Variants in PRR16 observed in about 807,000 individuals in gnomAD.
PRR16 encodes protein Largen.
A neutral mutation model predicts 18.2 loss-of-function variants in PRR16; 6 were observed. The observed-to-expected ratio is 0.33, with a 90% confidence interval of 0.18 to 0.65. PRR16 has a LOEUF of 0.65. Ranked by LOEUF, PRR16 falls within the 30% of genes least tolerant of loss-of-function variation. The probability of loss-of-function intolerance (pLI) is 0.74; values close to 1 mark genes in which losing one functional copy is unlikely to be tolerated. For missense variants in PRR16, 412 were observed against 376.6 expected, an observed-to-expected ratio of 1.09 and a Z score of -0.78; for synonymous variants, 151 against 147.8, an observed-to-expected ratio of 1.02 and a Z score of -0.16.
chr5:120,705,804 T>C, the PRR16 span, among the ~76,000 whole-genome samples: 4 of 152,146 alleles, frequency 2.6e-5, no homozygotes, highest in Admixed American at 6.6e-5. Flanking sequence ...GAAATCAATA[T>C]TGTCAGTTAA....
At chr5:120,763,416 G>A in the PRR16 span, among the ~76,000 whole-genome samples, 2 of 152,046 alleles carry the variant, frequency 1.3e-5, no homozygotes, top group African/African-American at 4.8e-5. Flanking sequence ...TTATAGGTGT[G>A]AGCCACCACG....
intron 1 of PRR16, among the ~76,000 whole-genome samples, chr5:120,516,031 C>T (rs1390800854): frequency 6.6e-6 from 1 of 152,046 alleles, no homozygotes; most frequent in Non-Finnish European, 1.5e-5. Context: ...CCTGAAAGTT[C>T]CCTCTTTTTA....
At chr5:120,694,215 G>A in the PRR16 span, among the ~76,000 whole-genome samples, 1 of 152,118 alleles carries the variant, frequency 6.6e-6, no homozygotes, top group African/African-American at 2.4e-5. Context: ...TGCCTTAGTT[G>A]ATGCTAATGA....
the PRR16 span, among the ~76,000 whole-genome samples, chr5:120,714,431 A>T: frequency 6.6e-6 from 1 of 152,204 alleles, no homozygotes; most frequent in Non-Finnish European, 1.5e-5. Flanking sequence ...AATCAAAACC[A>T]CAATGAGATA....
At chr5:120,622,245 A>T (rs1263186515) in intron 1 of PRR16, among the ~76,000 whole-genome samples, 1 of 152,088 alleles carries the variant, frequency 6.6e-6, no homozygotes, top group African/African-American at 2.4e-5. Flanking sequence ...ATATCTAGAA[A>T]AGTAATGGCA....
chr5:120,491,357 A>G (rs1001265194), intron 1 of PRR16, among the ~76,000 whole-genome samples: 5 of 152,076 alleles, frequency 3.3e-5, no homozygotes, highest in African/African-American at 1.2e-4. Flanking sequence ...AATATTTCTT[A>G]ATCATTTTCC....
chr5:120,545,989 A>AC (rs1388576739), intron 1 of PRR16, among the ~76,000 whole-genome samples: 1 of 152,114 alleles, frequency 6.6e-6, no homozygotes, highest in Non-Finnish European at 1.5e-5. Flanking sequence ...ATTAAGGTCG[A>AC]CATGGACCAG....
At chr5:120,674,685 A>G (rs1417025189) in intron 1 of PRR16, among the ~76,000 whole-genome samples, 1 of 151,892 alleles carries the variant, frequency 6.6e-6, no homozygotes, top group African/African-American at 2.4e-5. Flanking sequence ...TGAAATTTTT[A>G]TTCTTCCATT....
rs1055460649 is a variant in PRR16 at position 120,606,802 on chromosome 5, C to G, written c.160-79152C>G. ...TATGCCTGTGGTGCCAGCTACTCAG[C>G]AGGCTGAGGTGGTAGGATCACTTGG... On this transcript the variant is annotated intron_variant, in intron 1 of 1. Coordinates refer to ENST00000407149, the MANE Select transcript of PRR16 (RefSeq NM_001300783.2). Among the ~76,000 whole-genome samples the G allele has an allele frequency of 2.0e-5, 3 of 152,130 alleles. No homozygotes were observed. In the South Asian group the frequency reaches 6.2e-4, roughly 32 times the overall value.
chr5:120,664,232 G>A (rs1261036936), intron 1 of PRR16, among the ~76,000 whole-genome samples: 1 of 152,016 alleles, frequency 6.6e-6, no homozygotes, highest in African/African-American at 2.4e-5. Context: ...CTGGGAGGTG[G>A]AGGTTGCTAT....
the PRR16 span, among the ~76,000 whole-genome samples, chr5:120,761,692 T>C: frequency 2.6e-5 from 4 of 152,134 alleles, no homozygotes; most frequent in Non-Finnish European, 4.4e-5. Flanking sequence ...ATTAAAGATA[T>C]ACATTATCAT....
At chr5:120,723,613 G>A in the PRR16 span, among the ~76,000 whole-genome samples, 1 of 151,956 alleles carries the variant, frequency 6.6e-6, no homozygotes, top group South Asian at 2.1e-4. Flanking sequence ...GTGCCAGACA[G>A]AAATAAGACT....
intron 1 of PRR16, among the ~76,000 whole-genome samples, chr5:120,607,872 T>C (rs1395887351): frequency 6.6e-6 from 1 of 151,776 alleles, no homozygotes; most frequent in Non-Finnish European, 1.5e-5. Flanking sequence ...CTCACCCTTC[T>C]TTTTTTTAAT....
At chr5:120,635,397 C>T (rs578038123) in intron 1 of PRR16, among the ~76,000 whole-genome samples, 7 of 152,024 alleles carry the variant, frequency 4.6e-5, no homozygotes, top group Non-Finnish European at 1.0e-4. Flanking sequence ...AATCCAACAG[C>T]GTATCAAAAA....
At chr5:120,620,540 T>G (rs1211786640) in intron 1 of PRR16, among the ~76,000 whole-genome samples, 1 of 152,198 alleles carries the variant, frequency 6.6e-6, no homozygotes, top group African/African-American at 2.4e-5. Flanking sequence ...ATAGCAATGA[T>G]GTATGTGAAA....
intron 1 of PRR16, among the ~76,000 whole-genome samples, chr5:120,529,365 C>T (rs1751471436): frequency 6.6e-6 from 1 of 151,994 alleles, no homozygotes; most frequent in Non-Finnish European, 1.5e-5. Context: ...TGATAGTGTT[C>T]AACAATGGCT....
intron 1 of PRR16, among the ~76,000 whole-genome samples, chr5:120,588,398 A>G (rs1185707308): frequency 6.6e-6 from 1 of 152,180 alleles, no homozygotes; most frequent in Non-Finnish European, 1.5e-5. Context: ...GGCAAATTTT[A>G]GTGCTGTCTT....
At chr5:120,677,662 G>T (rs1175613546) in intron 1 of PRR16, among the ~76,000 whole-genome samples, 1 of 152,052 alleles carries the variant, frequency 6.6e-6, no homozygotes, top group Non-Finnish European at 1.5e-5. Context: ...CATTAAGTTT[G>T]TTATTGCAAA....
chr5:120,559,527 A>G (rs1232326571), intron 1 of PRR16, among the ~76,000 whole-genome samples: 1 of 151,832 alleles, frequency 6.6e-6, no homozygotes, highest in Non-Finnish European at 1.5e-5. Flanking sequence ...GCCTGTTTTT[A>G]TGTTAGTACC....
Sources: gnomAD v4.1 joint callset for allele counts (sites outside exome capture counted in the v4.1 genomes callset) on GRCh38, gnomAD v4.1.1 for gene constraint, MANE v1.5 for transcripts, NCBI Gene and HGNC (gene_info 2026-07-23, HGNC 2026-07-21) for gene names.